The following IGF1R variants were observed in gnomAD, a reference collection of about 807,000 sequenced individuals.
IGF1R encodes the protein insulin like growth factor 1 receptor.
A neutral mutation model predicts 144.6 loss-of-function variants in IGF1R; 44 were observed. The observed-to-expected ratio is 0.30, with a 90% CI of 0.24 to 0.39. The LOEUF (loss-of-function observed/expected upper bound fraction) is 0.39, where lower values mean the gene tolerates loss of function less well. Ranked by LOEUF, IGF1R falls within the 10% of genes least tolerant of loss-of-function variation. The probability of loss-of-function intolerance (pLI) is 1.00; values close to 1 mark genes in which losing one functional copy is unlikely to be tolerated. For missense variants in IGF1R, 1,355 were observed against 1,833.7 expected (o/e 0.74, Z 4.77); for synonymous variants, 795 against 722.8 (o/e 1.10, Z -1.60).
At position 98,707,594 on chromosome 15, in the gene IGF1R, T is replaced by C. The variant is rs2053896321; in HGVS notation, c.127T>C (p.Tyr43His). The change falls in exon 2 of 21, where the codon TAT becomes CAT. Residue 43 changes from tyrosine (Y) to histidine (H), a missense_variant. Around this residue, in one of 7 missense-constraint regions of IGF1R, gnomAD observed 75 missense variants for 160.0 expected, o/e 0.47. Coordinates refer to ENST00000650285, the MANE Select transcript of IGF1R (RefSeq NM_000875.5). This position sits in a 1 kb window ranked among gnomAD's most constrained non-coding sequence, Gnocchi z 6.7. ...CGPGIDIRND[Y>H]QQLKRLENCT... ...GCCAGGCATCGACATCCGCAACGAC[T>C]ATCAGCAGCTGAAGCGCCTGGAGAA... 2 of 1,614,226 alleles carry C rather than the reference T, an allele frequency of 1.2e-6. No individual in the cohort carries two copies. The highest frequency in any genetic ancestry group is 1.7e-6 in the Non-Finnish European group (2 of 1,180,040).
chr15:98,896,946 G>T lies in IGF1R; in HGVS notation c.1102+41G>T. The T allele has an allele frequency of 1.9e-6, 3 of 1,605,580 alleles. No individual in the cohort carries two copies. The Admixed American group carries it at 5.0e-5, about 27-fold the overall frequency. ...CCCTGGAAAAACGGCTAGATCTCAT[G>T]GTTTTCTTTTGTTGATGCTTTTCAT... On this transcript the variant is annotated intron_variant, in intron 4 of 20. Transcript: ENST00000650285.
chr15:98,886,379 G>A (rs1176893074), intron 2 of IGF1R, among the ~76,000 whole-genome samples: 1 of 152,162 alleles, frequency 6.6e-6, no homozygotes, highest in Admixed American at 6.5e-5. Context: ...CCTTTTAGTG[G>A]TGGATGTGGG....
chr15:98,656,904 T>G lies in IGF1R; in HGVS notation c.94+7229T>G, dbSNP rs933661549. ...TCTTTTTAACATGGCACTAGCTTTCTCAAACTGGCTTTGGAATTATTTGTC... is the reference window on the plus strand; with the variant it reads ...TCTTTTTAACATGGCACTAGCTTTCGCAAACTGGCTTTGGAATTATTTGTC... On this transcript the variant is annotated intron_variant, in intron 1 of 20. Transcript: ENST00000650285. 3.9e-5 allele frequency among the ~76,000 whole-genome samples: 6 copies of G among 152,366 alleles called. No individual in the cohort carries two copies. The South Asian group carries it at 1.2e-3, about 32-fold the overall frequency.
chr15:98,854,329 GCCTGGGTGTCC>G (rs1363268409), intron 2 of IGF1R, among the ~76,000 whole-genome samples: 1 of 152,176 alleles, frequency 6.6e-6, no homozygotes, highest in Non-Finnish European at 1.5e-5. Context: ...GCCACAGTGA[GCCTGGGTGTCC>G]CCTGCCTGAG....
At position 98,911,458 on chromosome 15, in the gene IGF1R, G is replaced by A. The variant is rs375659177; in HGVS notation, c.1589+17G>A. 1.3e-4 allele frequency: 210 copies of A among 1,614,016 alleles called. No individual in the cohort carries two copies. Among genetic ancestry groups the A allele is most frequent in the Admixed American group, 2.3e-4 (14 of 60,000 alleles). On this transcript the variant is annotated intron_variant, in intron 7 of 20. Transcript: ENST00000650285. ...CAAGGAAGCGTGAGTTTCTGCTTTG[G>A]GTGATGCCATTCTGTTGACAGGGCT...
At chr15:98,832,390 T>C (rs911549098) in intron 2 of IGF1R, among the ~76,000 whole-genome samples, 3 of 152,194 alleles carry the variant, frequency 2.0e-5, no homozygotes, top group African/African-American at 7.2e-5. Flanking sequence ...TGTTTTTAAA[T>C]GAATGACCTA....
intron 1 of IGF1R, among the ~76,000 whole-genome samples, chr15:98,649,923 C>T (rs929128081): frequency 4.6e-5 from 7 of 152,284 alleles, no homozygotes; most frequent in East Asian, 1.9e-4. Context: ...TTTTCTCTTT[C>T]TCCGTCCTGA....
intron 2 of IGF1R, among the ~76,000 whole-genome samples, chr15:98,856,988 C>T (rs549268773): frequency 1.3e-5 from 2 of 151,936 alleles, no homozygotes; most frequent in African/African-American, 4.8e-5. Context: ...CTGTAAATGA[C>T]CCCTTTCTCT....
intron 2 of IGF1R, among the ~76,000 whole-genome samples, chr15:98,804,009 T>G (rs1266964258): frequency 6.6e-6 from 1 of 152,234 alleles, no homozygotes; most frequent in African/African-American, 2.4e-5. Context: ...GAGGAACATG[T>G]ACATCTTACC....
chr15:98,875,439 A>G (rs115443667), intron 2 of IGF1R, among the ~76,000 whole-genome samples: 2,469 of 149,570 alleles, frequency 0.017, 62 homozygotes, highest in African/African-American at 0.057. Flanking sequence ...AAGTACAGTC[A>G]TGTGTTGTAC....
chr15:98,713,776 A>G lies in IGF1R; in HGVS notation c.640+5669A>G, dbSNP rs980121639. On this transcript the variant is annotated intron_variant, in intron 2 of 20. Transcript: ENST00000650285. ...GTGCAGATGCCTTCACTTTCCCACA[A>G]AAAAAACCCCAACAAAACCTAAGAC... 3.9e-5 allele frequency among the ~76,000 whole-genome samples: 6 copies of G among 152,102 alleles called. No individual in the cohort carries two copies. The East Asian group carries it at 7.7e-4, about 20-fold the overall frequency.
intron 2 of IGF1R, among the ~76,000 whole-genome samples, chr15:98,788,223 A>G (rs1401350227): frequency 6.6e-6 from 1 of 152,188 alleles, no homozygotes; most frequent in Non-Finnish European, 1.5e-5. Context: ...AGTTGTATGC[A>G]TCTTCTGCAA....
chr15:98,785,106 T>G (rs1411727346), intron 2 of IGF1R, among the ~76,000 whole-genome samples: 2 of 152,248 alleles, frequency 1.3e-5, no homozygotes, highest in Non-Finnish European at 2.9e-5. Context: ...ATTTTATGAT[T>G]ACAATTTTAA....
At chr15:98,847,438 G>A (rs1030309850) in intron 2 of IGF1R, among the ~76,000 whole-genome samples, 5 of 152,188 alleles carry the variant, frequency 3.3e-5, no homozygotes, top group African/African-American at 1.2e-4. Flanking sequence ...TTGGAGCCAG[G>A]TAGTCCTGCC....
chr15:98,811,772 G>A (rs1304327769), intron 2 of IGF1R, among the ~76,000 whole-genome samples: 1 of 149,730 alleles, frequency 6.7e-6, no homozygotes, highest in Non-Finnish European at 1.5e-5. Flanking sequence ...TAAAAATACA[G>A]AAAATTCTCT....
chr15:98,885,633 A>G (rs1176103768), intron 2 of IGF1R, among the ~76,000 whole-genome samples: 1 of 152,232 alleles, frequency 6.6e-6, no homozygotes, highest in East Asian at 1.9e-4. Context: ...ACCCAGAAAC[A>G]GCTGAGATGG....
intron 1 of IGF1R, among the ~76,000 whole-genome samples, chr15:98,680,270 CT>C (rs61048587): frequency 0.33 from 47,527 of 145,088 alleles, 8,045 homozygotes; most frequent in African/African-American, 0.46. Flanking sequence ...CGTATGTATA[CT>C]TTTTTTTTTT....
intron 20 of IGF1R, 22 bp from the exon 21 acceptor site, chr15:98,957,039 C>A (rs1319037220): frequency 6.2e-7 from 1 of 1,613,998 alleles, no homozygotes; most frequent in Non-Finnish European, 8.5e-7. Flanking sequence ...TTTGGACCCC[C>A]TCCCGTGTGT....
At chr15:98,945,802 A>G (rs984172620) in intron 19 of IGF1R, among the ~76,000 whole-genome samples, 2 of 152,140 alleles carry the variant, frequency 1.3e-5, no homozygotes, top group African/African-American at 2.4e-5. Context: ...TGCAGTTGTC[A>G]CATTAAGCTG....
Sources: gnomAD v4.1 joint callset for allele counts (sites outside exome capture counted in the v4.1 genomes callset) on GRCh38, gnomAD v4.1.1 for gene constraint, gnomAD v4.1.1 regional missense constraint, Gnocchi (gnomAD v3.1) non-coding constraint, MANE v1.5 for transcripts, NCBI Gene and HGNC (gene_info 2026-07-23, HGNC 2026-07-21) for gene names.